The following MCUB variants were observed in gnomAD, a reference collection of about 807,000 sequenced individuals.
MCUB encodes calcium uniporter regulatory subunit MCUb, mitochondrial.
In MCUB, 46 loss-of-function variants were observed where a neutral mutation model predicts 41.4. The observed-to-expected ratio is 1.11, with a 90% confidence interval of 0.88 to 1.42. MCUB has a LOEUF of 1.42. MCUB is among the 40% of genes most tolerant of loss of function. The pLI, the probability that MCUB is intolerant of heterozygous loss-of-function variation, is 0.00. For synonymous variants in MCUB, 148 were observed against 148.2 expected, an observed-to-expected ratio of 1.00 and a Z score of 0.01; for missense variants, 403 against 404.9, an observed-to-expected ratio of 1.00 and a Z score of 0.04.
chr4:109,603,712 G>A (rs1727801893), intron 1 of MCUB, among the ~76,000 whole-genome samples: 1 of 151,286 alleles, frequency 6.6e-6, no homozygotes, highest in Non-Finnish European at 1.5e-5. Context: ...CTGTCCGGCT[G>A]CCCCATCTGA....
intron 1 of MCUB, among the ~76,000 whole-genome samples, chr4:109,587,574 C>T (rs1358688790): frequency 6.6e-6 from 1 of 152,110 alleles, no homozygotes; most frequent in Non-Finnish European, 1.5e-5. Flanking sequence ...TGGAGCTGTT[C>T]CTATTCGTCC....
chr4:109,666,456 C>T (rs1729347788), intron 4 of MCUB, among the ~76,000 whole-genome samples: 1 of 152,166 alleles, frequency 6.6e-6, no homozygotes, highest in South Asian at 2.1e-4. Flanking sequence ...TCCTTGCCAG[C>T]AATTGGTGGT....
chr4:109,664,237 G>C (rs936977433), intron 3 of MCUB, 53 bp from the exon 4 acceptor site: 2 of 867,424 alleles, frequency 2.3e-6, no homozygotes, highest in Non-Finnish European at 3.9e-6. Context: ...TTGGAAAATG[G>C]TTCTTACTGT....
intron 1 of MCUB, among the ~76,000 whole-genome samples, chr4:109,566,772 G>T (rs1221406431): frequency 1.3e-5 from 2 of 152,224 alleles, no homozygotes; most frequent in Admixed American, 6.5e-5. Context: ...AGAGCTAAGT[G>T]GTGGTAGGGC....
chr4:109,573,346 G>A (rs1231338449), intron 1 of MCUB, among the ~76,000 whole-genome samples: 3 of 151,942 alleles, frequency 2.0e-5, no homozygotes, highest in East Asian at 1.9e-4. Context: ...CCCACTACTC[G>A]GGAGGCTGCG....
chr4:109,565,313 G>A (rs1233607071), intron 1 of MCUB, among the ~76,000 whole-genome samples: 3 of 152,164 alleles, frequency 2.0e-5, no homozygotes, highest in Admixed American at 6.5e-5. Context: ...CTGGCTATAC[G>A]CTTCACTGTC....
intron 1 of MCUB, among the ~76,000 whole-genome samples, chr4:109,635,844 A>G (rs184887085): frequency 1.3e-5 from 2 of 152,308 alleles, no homozygotes; most frequent in East Asian, 3.9e-4. Context: ...ATTTGTACTG[A>G]TGATGAAGAT....
At chr4:109,656,354 C>CTTTTTTTTTTTTTTTTTTTT (rs752851425) in intron 1 of MCUB, among the ~76,000 whole-genome samples, 1 of 62,096 alleles carries the variant, frequency 1.6e-5, no homozygotes, top group Non-Finnish European at 3.1e-5. Context: ...TTACTCTCTA[C>CTTTTTTTTTTTTTTTTTTTT]TTTTTTTTTT....
intron 1 of MCUB, among the ~76,000 whole-genome samples, chr4:109,653,368 G>GA (rs1276112882): frequency 2.0e-5 from 3 of 149,018 alleles, no homozygotes; most frequent in Non-Finnish European, 4.5e-5. Flanking sequence ...GACAGAGCAA[G>GA]ACCCCGTCTT....
intron 4 of MCUB, among the ~76,000 whole-genome samples, chr4:109,679,135 C>T (rs988087961): frequency 6.6e-6 from 1 of 151,280 alleles, no homozygotes; most frequent in Non-Finnish European, 1.5e-5. Context: ...GACGGGATGG[C>T]CGGGCAGAGG....
chr4:109,579,196 G>A (rs908302976), intron 1 of MCUB, among the ~76,000 whole-genome samples: 1 of 152,016 alleles, frequency 6.6e-6, no homozygotes, highest in African/African-American at 2.4e-5. Context: ...GAAGTGTATG[G>A]GTTGATTTCT....
chr4:109,614,746 G>A (rs1430776725), intron 1 of MCUB, among the ~76,000 whole-genome samples: 1 of 151,636 alleles, frequency 6.6e-6, no homozygotes, highest in East Asian at 1.9e-4. Flanking sequence ...GTCCTGCCCT[G>A]TGGACCTCAG....
chr4:109,581,971 C>A (rs576650262), intron 1 of MCUB, among the ~76,000 whole-genome samples: 1 of 152,120 alleles, frequency 6.6e-6, no homozygotes, highest in Admixed American at 6.5e-5. Flanking sequence ...GTCAGTGTGG[C>A]GATTCCTCAG....
At chr4:109,659,978 A>G (rs1729192103) in intron 2 of MCUB, among the ~76,000 whole-genome samples, 1 of 152,196 alleles carries the variant, frequency 6.6e-6, no homozygotes, top group Admixed American at 6.5e-5. Context: ...CTTTAAGCAG[A>G]TAATAAAGTG....
intron 1 of MCUB, among the ~76,000 whole-genome samples, chr4:109,599,172 C>T (rs75850971): frequency 0.025 from 3,876 of 152,288 alleles, 127 homozygotes; most frequent in South Asian, 0.074. Flanking sequence ...TAACCTTCAA[C>T]AGGTTAAGTT....
At chr4:109,565,674 G>A (rs1313119768) in intron 1 of MCUB, among the ~76,000 whole-genome samples, 1 of 152,054 alleles carries the variant, frequency 6.6e-6, no homozygotes, top group Non-Finnish European at 1.5e-5. Flanking sequence ...ATAACTTCTA[G>A]GATAACCTAA....
Position 109,608,155 on chromosome 4 carries a change from T to C in MCUB, c.99+47719T>C, listed in dbSNP as rs546349442. On this transcript the variant is annotated intron_variant, in intron 1 of 7. Coordinates refer to ENST00000394650, the MANE Select transcript of MCUB (RefSeq NM_017918.5). ...TGAAGCTCACTAATTCTCTGCTTGATCAATTCTGCTAGTAAGAGATTCTGA... is the reference window on the plus strand; with the variant it reads ...TGAAGCTCACTAATTCTCTGCTTGACCAATTCTGCTAGTAAGAGATTCTGA... 2.6e-5 allele frequency among the ~76,000 whole-genome samples: 4 copies of C among 152,326 alleles called. No individual in the cohort carries two copies. In the East Asian group the frequency reaches 7.7e-4, roughly 29 times the overall value.
chr4:109,579,576 T>C (rs1235933884), intron 1 of MCUB, among the ~76,000 whole-genome samples: 1 of 152,180 alleles, frequency 6.6e-6, no homozygotes, highest in African/African-American at 2.4e-5. Flanking sequence ...TTGCACTTAA[T>C]CTAGGGTGCT....
intron 1 of MCUB, among the ~76,000 whole-genome samples, chr4:109,649,042 CT>C (rs1177107876): frequency 5.9e-5 from 9 of 152,140 alleles, no homozygotes; most frequent in African/African-American, 2.2e-4. Context: ...CTCATGCATT[CT>C]TATTCCTTGT....
Sources: gnomAD v4.1 joint callset for allele counts (sites outside exome capture counted in the v4.1 genomes callset) on GRCh38, gnomAD v4.1.1 for gene constraint, MANE v1.5 for transcripts, NCBI Gene and HGNC (gene_info 2026-07-23, HGNC 2026-07-21) for gene names.